The following NCKAP5 variants were observed in gnomAD, a reference collection of about 807,000 sequenced individuals.
NCKAP5 encodes NCK associated protein 5.
Under a neutral mutation model 167.0 loss-of-function variants are expected in NCKAP5, and 92 were observed. That is an observed-to-expected ratio of 0.55 (90% CI 0.47 to 0.66). The LOEUF (loss-of-function observed/expected upper bound fraction) is 0.66, where lower values mean the gene tolerates loss of function less well. Ranked by LOEUF, NCKAP5 falls within the 30% of genes least tolerant of loss-of-function variation. The pLI is 0.00. For synonymous variants in NCKAP5, 891 were observed against 877.4 expected (o/e 1.02, Z -0.27); for missense variants, 2,378 against 2,315.0 (o/e 1.03, Z -0.56).
At position 133,076,792 on chromosome 2, in the gene NCKAP5, C is replaced by T. The variant is rs147911301; in HGVS notation, c.341+53186G>A. Among the ~76,000 whole-genome samples, 242 of 152,208 alleles carry T rather than the reference C, an allele frequency of 1.6e-3. 1 individual carries two copies. Among genetic ancestry groups the T allele is most frequent in the African/African-American group, 4.8e-3 (201 of 41,542 alleles). The stretch of plus-strand genomic sequence containing the variant: ...GCTACTGCTATATAGCCTTCAGGTC[C>T]ACGTACAAGGAAGCAGAAGGAGCAG... On this transcript the variant is annotated intron_variant, in intron 6 of 19. Transcript: ENST00000409261.
intron 14 of NCKAP5, among the ~76,000 whole-genome samples, 152 bp downstream of exon 14, chr2:132,781,788 T>C (rs1358951835): frequency 6.6e-6 from 1 of 152,234 alleles, no homozygotes; most frequent in African/African-American, 2.4e-5. Context: ...ATTGCTTAAA[T>C]TCTGGCTAAT....
At chr2:133,191,645 A>T (rs1333123909) in intron 5 of NCKAP5, among the ~76,000 whole-genome samples, 2 of 152,322 alleles carry the variant, frequency 1.3e-5, no homozygotes, top group Admixed American at 1.3e-4. Flanking sequence ...GGAAACCATC[A>T]TTCTGAGCAA....
intron 4 of NCKAP5, among the ~76,000 whole-genome samples, chr2:133,264,232 TGTTAG>T (rs1263521755): frequency 6.6e-6 from 1 of 152,242 alleles, no homozygotes; most frequent in African/African-American, 2.4e-5. Context: ...CTCCATCAGC[TGTTAG>T]GATGATTTGC....
chr2:133,520,694 C>T (rs1477725852), intron 2 of NCKAP5, among the ~76,000 whole-genome samples: 3 of 152,134 alleles, frequency 2.0e-5, no homozygotes, highest in African/African-American at 7.2e-5. Flanking sequence ...TTTGATAGTT[C>T]TCAAATAGTC....
At chr2:133,590,711 G>A in the NCKAP5 span, among the ~76,000 whole-genome samples, 13 of 152,030 alleles carry the variant, frequency 8.6e-5, no homozygotes, top group African/African-American at 2.9e-4. Context: ...AAATACCATC[G>A]CCTAGGACTT....
intron 6 of NCKAP5, among the ~76,000 whole-genome samples, chr2:133,029,448 T>A (rs967972631): frequency 2.6e-5 from 4 of 152,010 alleles, no homozygotes; most frequent in African/African-American, 9.7e-5. Flanking sequence ...TCACCCAGCG[T>A]ACCACTACAT....
At chr2:133,594,127 G>A in the NCKAP5 span, among the ~76,000 whole-genome samples, 14 of 152,304 alleles carry the variant, frequency 9.2e-5, no homozygotes, top group South Asian at 6.2e-4. Flanking sequence ...TGGAGCCCAC[G>A]CTTCTTTGAT....
In NCKAP5 at chr2:133,128,780, T is replaced by C. The variant is rs375305940; in HGVS notation, c.341+1198A>G. Among the ~76,000 whole-genome samples the C allele has an allele frequency of 1.2e-4, 19 of 152,144 alleles. No individual in the cohort carries two copies. The East Asian group carries it at 3.1e-3, about 25-fold the overall frequency. On this transcript the variant is annotated intron_variant, in intron 6 of 19. Transcript: ENST00000409261. ...GCCCGGCTAATTTTTGTGTTTTTAG[T>C]AGAGATGAGGCTTTGCCATGTTGGC... is the stretch of plus-strand genomic sequence containing the variant.
intron 5 of NCKAP5, among the ~76,000 whole-genome samples, chr2:133,197,096 T>A (rs931697049): frequency 6.6e-6 from 1 of 152,186 alleles, no homozygotes; most frequent in Non-Finnish European, 1.5e-5. Flanking sequence ...TCCAGCTTTC[T>A]AGATAAAAGA....
At chr2:133,198,892 A>G (rs1377697738) in intron 5 of NCKAP5, among the ~76,000 whole-genome samples, 1 of 152,126 alleles carries the variant, frequency 6.6e-6, no homozygotes. Context: ...ATAATCAAAC[A>G]GTGTGGTATT....
Position 132,878,936 on chromosome 2 carries a change from T to C in NCKAP5, c.580-20A>G. 1 of 1,587,796 alleles carries C rather than the reference T, an allele frequency of 6.3e-7. No individual in the cohort carries two copies. Among genetic ancestry groups the C allele is most frequent in the Non-Finnish European group, 8.6e-7 (1 of 1,156,154 alleles). On this transcript the variant is annotated intron_variant, in intron 8 of 19. Coordinates refer to ENST00000409261, the MANE Select transcript of NCKAP5 (RefSeq NM_207363.3). ...CTCTGCCTGCAGTAAGATACAAAAA[T>C]AACACAAATAAATCAATGAAATGTT...
intron 4 of NCKAP5, among the ~76,000 whole-genome samples, chr2:133,216,717 T>C (rs2086444473): frequency 6.6e-6 from 1 of 152,106 alleles, no homozygotes. Context: ...AATAGAAAGA[T>C]AATACATAAT....
intron 16 of NCKAP5, among the ~76,000 whole-genome samples, chr2:132,758,010 T>TC (rs1367946029): frequency 2.0e-5 from 3 of 152,206 alleles, no homozygotes; most frequent in Non-Finnish European, 4.4e-5. Context: ...TTTACAAACT[T>TC]CCCCCTTTCC....
rs962164370 is a variant in NCKAP5, at chr2:132,742,805, T to C, written c.5129-10754A>G. ...TTAATTATTATAAGATAATCTATTT[T>C]AGCTGAATATCAAGGATCATTTATT... is the stretch of plus-strand genomic sequence containing the variant. On this transcript the variant is annotated intron_variant, in intron 16 of 19. Transcript: ENST00000409261. Among the ~76,000 whole-genome samples the C allele has an allele frequency of 7.2e-5, 11 of 152,072 alleles. No homozygotes were observed. In the East Asian group the frequency reaches 2.1e-3, roughly 29 times the overall value.
At chr2:133,470,531 G>T (rs1300809255) in intron 3 of NCKAP5, among the ~76,000 whole-genome samples, 5 of 152,214 alleles carry the variant, frequency 3.3e-5, no homozygotes, top group Admixed American at 6.5e-5. Flanking sequence ...AGCTGTGGTG[G>T]GCTCCACCCA....
chr2:132,684,922 T>C (rs1011982737), intron 19 of NCKAP5, among the ~76,000 whole-genome samples: 1 of 152,204 alleles, frequency 6.6e-6, no homozygotes, highest in Non-Finnish European at 1.5e-5. Context: ...AGGCCTTCTC[T>C]TGCAAAACGA....
intron 3 of NCKAP5, among the ~76,000 whole-genome samples, chr2:133,466,994 C>T (rs1304848760): frequency 6.6e-6 from 1 of 151,850 alleles, no homozygotes; most frequent in Non-Finnish European, 1.5e-5. Flanking sequence ...AATTGAATAC[C>T]CTTTATTTCC....
chr2:133,244,070 C>T (rs1424304317), intron 4 of NCKAP5, among the ~76,000 whole-genome samples: 1 of 152,162 alleles, frequency 6.6e-6, no homozygotes, highest in Non-Finnish European at 1.5e-5. Flanking sequence ...TCAATCCTAT[C>T]CCATTCAAAA....
intron 5 of NCKAP5, among the ~76,000 whole-genome samples, chr2:133,193,647 A>G (rs1239534711): frequency 6.6e-6 from 1 of 152,084 alleles, no homozygotes; most frequent in Non-Finnish European, 1.5e-5. Flanking sequence ...AAACCGGAGA[A>G]ACTCACCATC....
Sources: allele counts gnomAD v4.1 joint callset (sites outside exome capture counted in the v4.1 genomes callset), GRCh38; gene constraint gnomAD v4.1.1; transcripts MANE v1.5; gene names NCBI Gene and HGNC (gene_info 2026-07-23, HGNC 2026-07-21).